The following PCSK5 variants were observed in gnomAD, a reference collection of about 807,000 sequenced individuals.
PCSK5 encodes the protein prohormone convertase 5.
A neutral mutation model predicts 233.2 loss-of-function variants in PCSK5; 129 were observed. The ratio of observed to expected loss-of-function variants is 0.55; its 90% confidence interval spans 0.48 to 0.64. The LOEUF (loss-of-function observed/expected upper bound fraction) is 0.64, where lower values mean the gene tolerates loss of function less well. PCSK5 is among the 30% of genes least tolerant of loss of function. The probability of loss-of-function intolerance (pLI) is 0.00; values close to 1 mark genes in which losing one functional copy is unlikely to be tolerated. For synonymous variants in PCSK5, 825 were observed against 879.2 expected (o/e 0.94, Z 1.09); for missense variants, 2,076 against 2,430.1 (o/e 0.85, Z 3.06).
chr9:76,228,330 A>G (rs1825963569), intron 21 of PCSK5, among the ~76,000 whole-genome samples: 1 of 152,160 alleles, frequency 6.6e-6, no homozygotes, highest in South Asian at 2.1e-4. Context: ...CCCAGTAAAA[A>G]TAATCTCTTC....
chr9:76,265,090 A>G lies in PCSK5; in HGVS notation c.3142+24406A>G, dbSNP rs180878426. Among the ~76,000 whole-genome samples the G allele has an allele frequency of 2.6e-5, 4 of 152,276 alleles. No individual in the cohort carries two copies. In the East Asian group the frequency reaches 7.7e-4, roughly 29 times the overall value. Reference sequence around the variant, plus strand: ...ACTATGCAGCCATAAAAAAGAAAAAATTATGTCCTTTGTAGCAACATGGAT... The same window carrying G: ...ACTATGCAGCCATAAAAAAGAAAAAGTTATGTCCTTTGTAGCAACATGGAT... On this transcript the variant is annotated intron_variant, in intron 24 of 37. Coordinates refer to ENST00000674117, the MANE Select transcript of PCSK5 (RefSeq NM_001372043.1).
At chr9:76,111,195 GAAT>G (rs1832200552) in intron 9 of PCSK5, among the ~76,000 whole-genome samples, 1 of 152,188 alleles carries the variant, frequency 6.6e-6, no homozygotes, top group African/African-American at 2.4e-5. Flanking sequence ...TTTTTCTACA[GAAT>G]GTATAAGAAT....
chr9:76,324,429 C>T (rs1487237570), intron 32 of PCSK5, among the ~76,000 whole-genome samples: 1 of 152,102 alleles, frequency 6.6e-6, no homozygotes, highest in Non-Finnish European at 1.5e-5. Flanking sequence ...CAGGGTTTCA[C>T]CATGTTGGCC....
At chr9:76,072,123 A>T (rs138133728) in intron 7 of PCSK5, among the ~76,000 whole-genome samples, 1 of 152,388 alleles carries the variant, frequency 6.6e-6, no homozygotes, top group Non-Finnish European at 1.5e-5. Context: ...GAACAGAGGT[A>T]TGTTACAGTG....
intron 3 of PCSK5, among the ~76,000 whole-genome samples, chr9:76,023,324 T>C (rs1464503920): frequency 1.3e-5 from 2 of 152,148 alleles, no homozygotes; most frequent in Non-Finnish European, 2.9e-5. Flanking sequence ...TCTATGTTTT[T>C]ACACTAGTAG....
chr9:76,074,901 G>C (rs11144742), intron 7 of PCSK5, among the ~76,000 whole-genome samples: 17,868 of 152,046 alleles, frequency 0.12, 1,431 homozygotes, highest in East Asian at 0.36. Context: ...ATTCCAGTAA[G>C]TTACCTGTTG....
intron 5 of PCSK5, among the ~76,000 whole-genome samples, chr9:76,061,862 C>G (rs1012492141): frequency 1.3e-5 from 2 of 152,084 alleles, no homozygotes; most frequent in South Asian, 2.1e-4. Context: ...ATGTACATCT[C>G]TTATGTATCA....
chr9:76,265,721 A>T (rs1827313445), intron 24 of PCSK5, among the ~76,000 whole-genome samples: 1 of 152,190 alleles, frequency 6.6e-6, no homozygotes. Flanking sequence ...TGGGTAAAAG[A>T]CCACAAGTAT....
At chr9:76,204,504 C>T (rs7848692) in intron 20 of PCSK5, among the ~76,000 whole-genome samples, 2 of 151,072 alleles carry the variant, frequency 1.3e-5, no homozygotes, top group African/African-American at 2.4e-5. Flanking sequence ...CTCTCTCCCC[C>T]CTTCTCTGGC....
chr9:76,327,419 T>TA (rs1033186774), intron 32 of PCSK5, among the ~76,000 whole-genome samples: 1 of 152,202 alleles, frequency 6.6e-6, no homozygotes, highest in Non-Finnish European at 1.5e-5. Context: ...CGTCTCTAGT[T>TA]AAATACAGAA....
At chr9:76,032,210 G>A (rs1309518664) in intron 5 of PCSK5, among the ~76,000 whole-genome samples, 4 of 152,120 alleles carry the variant, frequency 2.6e-5, no homozygotes, top group Non-Finnish European at 2.9e-5. Context: ...CAGACCAGTA[G>A]GCTTCAGAAC....
intron 3 of PCSK5, among the ~76,000 whole-genome samples, chr9:75,994,519 G>T (rs1343544672): frequency 7.0e-6 from 1 of 142,054 alleles, no homozygotes; most frequent in East Asian, 2.4e-4. Flanking sequence ...CCGCCTCCTG[G>T]GTTCATGCAA....
intron 7 of PCSK5, among the ~76,000 whole-genome samples, chr9:76,086,615 T>C (rs567327213): frequency 6.6e-6 from 1 of 152,218 alleles, no homozygotes; most frequent in Non-Finnish European, 1.5e-5. Flanking sequence ...GGTTGTTTTA[T>C]TTTGTTTTTT....
At chr9:76,219,897 A>C (rs1223745202) in intron 20 of PCSK5, among the ~76,000 whole-genome samples, 3 of 152,236 alleles carry the variant, frequency 2.0e-5, no homozygotes, top group Non-Finnish European at 4.4e-5. Flanking sequence ...AACATGTATT[A>C]AAACTTAGAT....
At chr9:76,183,598 A>T (rs1823968712) in intron 16 of PCSK5, among the ~76,000 whole-genome samples, 1 of 152,214 alleles carries the variant, frequency 6.6e-6, no homozygotes, top group African/African-American at 2.4e-5. Flanking sequence ...AGGTCATCTG[A>T]GTTAAGATTC....
chr9:75,948,431 A>G (rs1563931111), intron 2 of PCSK5, among the ~76,000 whole-genome samples: 1 of 150,632 alleles, frequency 6.6e-6, no homozygotes, highest in Non-Finnish European at 1.5e-5. Flanking sequence ...TCCTTGTGAT[A>G]GTTTGCTTAG....
intron 3 of PCSK5, among the ~76,000 whole-genome samples, chr9:76,022,412 C>T (rs2131482991): frequency 6.6e-6 from 1 of 152,308 alleles, no homozygotes; most frequent in South Asian, 2.1e-4. Context: ...TATTAAGCTT[C>T]TATTCTCTTC....
At chr9:76,193,413 G>GA (rs3077117) in intron 20 of PCSK5, 5 of 981,744 alleles carry the variant, frequency 5.1e-6, no homozygotes, top group Middle Eastern at 2.8e-4. Flanking sequence ...TTATTAAAAA[G>GA]AAAAAAGCCA....
intron 22 of PCSK5, among the ~76,000 whole-genome samples, chr9:76,236,907 A>G (rs1165663767): frequency 6.6e-6 from 1 of 152,142 alleles, no homozygotes; most frequent in Admixed American, 6.5e-5. Context: ...GATATAGGGG[A>G]AAAATTGAAT....
Sources: gnomAD v4.1 joint callset for allele counts (sites outside exome capture counted in the v4.1 genomes callset) on GRCh38, gnomAD v4.1.1 for gene constraint, MANE v1.5 for transcripts, NCBI Gene and HGNC (gene_info 2026-07-23, HGNC 2026-07-21) for gene names.